GNG12: variants seen among roughly 807,000 people sequenced by gnomAD.
GNG12 encodes G protein subunit gamma 12, also known as guanine nucleotide-binding protein G(I)/G(S)/G(O) subunit gamma-12.
For missense variants in GNG12, 69 were observed against 83.8 expected, an observed-to-expected ratio of 0.82 and a Z score of 0.69; for synonymous variants, 28 against 29.7, an observed-to-expected ratio of 0.94 and a Z score of 0.19.
chr1:67,773,779 C>T (rs575547505), intron 2 of GNG12, among the ~76,000 whole-genome samples: 16 of 152,264 alleles, frequency 1.1e-4, no homozygotes, highest in Non-Finnish European at 1.6e-4. Context: ...TTTCAACTCG[C>T]GTGCCCAATC....
chr1:67,825,505 C>T (rs1441669202), intron 1 of GNG12, among the ~76,000 whole-genome samples: 2 of 152,136 alleles, frequency 1.3e-5, no homozygotes, highest in African/African-American at 4.8e-5. Flanking sequence ...TGGCTACAGG[C>T]TTTCTAAAGG....
chr1:67,796,054 T>C lies in GNG12; in HGVS notation c.-76-18547A>G, dbSNP rs75542295. ...CTTATGATCGATGTTATTGAATTCT[T>C]ATGAAATGCAGGCTCACAATTTAAC... On this transcript the variant is annotated intron_variant, in intron 1 of 3. Transcript: ENST00000370982. Among the ~76,000 whole-genome samples the C allele has an allele frequency of 4.6e-5, 7 of 152,364 alleles. No homozygotes were observed. In the East Asian group the frequency reaches 1.3e-3, roughly 29 times the overall value.
intron 2 of GNG12, among the ~76,000 whole-genome samples, chr1:67,712,680 G>A (rs1223793106): frequency 6.6e-6 from 1 of 151,650 alleles, no homozygotes; most frequent in Non-Finnish European, 1.5e-5. Context: ...GTAACAGAGC[G>A]AGACCCCCAT....
intron 2 of GNG12, among the ~76,000 whole-genome samples, chr1:67,720,961 G>T (rs1035826413): frequency 1.3e-5 from 2 of 152,136 alleles, no homozygotes; most frequent in Non-Finnish European, 2.9e-5. Context: ...CCATGGTAAA[G>T]TTAGTTTTAT....
chr1:67,817,799 T>C (rs1646961591), intron 1 of GNG12, among the ~76,000 whole-genome samples: 1 of 146,714 alleles, frequency 6.8e-6, no homozygotes, highest in Non-Finnish European at 1.5e-5. Context: ...TTTTTTTTTT[T>C]TTTTTTTTGC....
intron 1 of GNG12, among the ~76,000 whole-genome samples, chr1:67,829,536 T>C (rs1647031320): frequency 6.6e-6 from 1 of 152,208 alleles, no homozygotes; most frequent in South Asian, 2.1e-4. Context: ...TTATACAACA[T>C]TTAGAGAAAA....
chr1:67,806,476 G>A lies in GNG12; in HGVS notation c.-77+26868C>T, dbSNP rs548175479. On this transcript the variant is annotated intron_variant, in intron 1 of 3. Coordinates refer to ENST00000370982, the MANE Select transcript of GNG12 (RefSeq NM_018841.6). ...GAGGGCCAACTTTCCATATGTGTGCGTTCCACAGGGCCAACTGTGGGACTT... is the reference window on the plus strand; with the variant it reads ...GAGGGCCAACTTTCCATATGTGTGCATTCCACAGGGCCAACTGTGGGACTT... Among the ~76,000 whole-genome samples the A allele has an allele frequency of 7.0e-4, 106 of 152,078 alleles. 1 individual carries two copies. Among genetic ancestry groups the A allele is most frequent in the African/African-American group, 2.4e-3 (101 of 41,480 alleles).
rs149322672 is a variant in GNG12 at position 67,722,590 on chromosome 1, G to A, written c.-26-14878C>T. Among the ~76,000 whole-genome samples the A allele has an allele frequency of 2.7e-5, 4 of 149,358 alleles. No individual in the cohort carries two copies. In the East Asian group the frequency reaches 8.0e-4, roughly 30 times the overall value. On this transcript the variant is annotated intron_variant, in intron 2 of 3. Coordinates refer to ENST00000370982, the MANE Select transcript of GNG12 (RefSeq NM_018841.6). ...AGAGGTCTTAAATGAGTCAATCCTT[G>A]AAGGGTAGGAACTTGACAGGTGGGG...
chr1:67,713,093 T>G (rs200855834), intron 2 of GNG12, among the ~76,000 whole-genome samples: 1 of 152,282 alleles, frequency 6.6e-6, no homozygotes, highest in East Asian at 1.9e-4. Context: ...GCTTGCTGAT[T>G]GCCTTGTGTT....
At chr1:67,767,229 C>A (rs1244183233) in intron 2 of GNG12, among the ~76,000 whole-genome samples, 1 of 152,162 alleles carries the variant, frequency 6.6e-6, no homozygotes, top group East Asian at 1.9e-4. Flanking sequence ...TGCAGTAAAA[C>A]CCCATGTCAC....
intron 2 of GNG12, among the ~76,000 whole-genome samples, chr1:67,763,895 A>G (rs902047085): frequency 5.9e-5 from 9 of 152,200 alleles, no homozygotes; most frequent in African/African-American, 2.2e-4. Flanking sequence ...GCAGTCTAAC[A>G]AAGGATGGAG....
At chr1:67,818,413 GTTTTTTTTTTTTTT>G (rs1163831257) in intron 1 of GNG12, among the ~76,000 whole-genome samples, 5 of 83,882 alleles carry the variant, frequency 6.0e-5, no homozygotes, top group Admixed American at 1.7e-4. Context: ...AAGACCAGGG[GTTTTTTTTTTTTTT>G]TTTTTTTTTT....
chr1:67,724,684 C>A (rs1646376513), intron 2 of GNG12, among the ~76,000 whole-genome samples: 1 of 152,194 alleles, frequency 6.6e-6, no homozygotes, highest in Admixed American at 6.5e-5. Flanking sequence ...GCCACCGCGC[C>A]TGGCCCAATT....
At chr1:67,706,479 A>C (rs1646248407) in intron 3 of GNG12, among the ~76,000 whole-genome samples, 1 of 152,066 alleles carries the variant, frequency 6.6e-6, no homozygotes. Flanking sequence ...CCTGTTTCAG[A>C]AGTCTGGGAG....
At chr1:67,782,903 T>C (rs113901197) in intron 1 of GNG12, among the ~76,000 whole-genome samples, 19 of 152,310 alleles carry the variant, frequency 1.2e-4, no homozygotes, top group African/African-American at 4.3e-4. Flanking sequence ...TGTTTTTATG[T>C]TACTATGGCC....
chr1:67,755,070 G>C (rs899518528), intron 2 of GNG12, among the ~76,000 whole-genome samples: 1 of 152,248 alleles, frequency 6.6e-6, no homozygotes, highest in South Asian at 2.1e-4. Flanking sequence ...CATTCATAGA[G>C]AGATGCATAA....
Position 67,701,692 on chromosome 1 carries a change from G to T in GNG12, c.*3759C>A, listed in dbSNP as rs1646215781. ...GATGCTGGACAGATGCGTAGCCAAA[G>T]AATATTACATAACAACAAAATCTCA... is the stretch of plus-strand genomic sequence containing the variant. On this transcript the variant is annotated 3_prime_UTR_variant, in exon 4 of 4. Transcript: ENST00000370982. 6.6e-6 allele frequency: 1 copy of T among 152,460 alleles called. No homozygotes were observed. Among genetic ancestry groups the T allele is most frequent in the African/African-American group, 2.4e-5 (1 of 41,388 alleles). 9.4% of individuals were successfully genotyped at this position (152,460 alleles called of 1,614,324 possible).
chr1:67,782,746 TAC>T (rs1307164532), intron 1 of GNG12, among the ~76,000 whole-genome samples: 1 of 152,200 alleles, frequency 6.6e-6, no homozygotes, highest in Non-Finnish European at 1.5e-5. Context: ...ATTGAAATGT[TAC>T]ACTCAACATA....
chr1:67,709,347 G>A (rs914735350), intron 2 of GNG12, among the ~76,000 whole-genome samples: 1 of 152,166 alleles, frequency 6.6e-6, no homozygotes, highest in African/African-American at 2.4e-5. Flanking sequence ...TGGTCAATGA[G>A]CCTCAAGGGT....
Sources: allele counts gnomAD v4.1 joint callset (sites outside exome capture counted in the v4.1 genomes callset), GRCh38; gene constraint gnomAD v4.1.1; transcripts MANE v1.5; gene names NCBI Gene and HGNC (gene_info 2026-07-23, HGNC 2026-07-21).